The following DMD variants were observed in gnomAD, a reference collection of about 807,000 sequenced individuals.
The protein encoded by DMD is dystrophin, also known as mutant dystrophin.
DMD carries 63 observed loss-of-function variants against 330.1 expected under a neutral mutation model. The ratio of observed to expected loss-of-function variants is 0.19; its 90% confidence interval spans 0.16 to 0.24. The LOEUF (loss-of-function observed/expected upper bound fraction) is 0.24, where lower values mean the gene tolerates loss of function less well. DMD is among the 10% of genes least tolerant of loss of function. DMD has a pLI of 1.00. For missense variants in DMD, 3,344 were observed against 2,684.1 expected (o/e 1.25, Z -5.43); for synonymous variants, 1,223 against 959.8 (o/e 1.27, Z -5.07).
intron 44 of DMD, among the ~76,000 whole-genome samples, chrX:32,066,853 A>C (rs1482442790): frequency 1.8e-5 from 2 of 111,908 alleles, no homozygotes; most frequent in African/African-American, 6.5e-5. Context: ...GGATGGATAG[A>C]AATATTGTTT....
At chrX:31,290,421 A>T (rs756090603) in intron 62 of DMD, among the ~76,000 whole-genome samples, 1 of 111,307 alleles carries the variant, frequency 9.0e-6, no homozygotes, top group East Asian at 2.8e-4. Flanking sequence ...TGTCACATAA[A>T]TACAATTATG....
At chrX:31,918,813 T>A (rs770585976) in intron 47 of DMD, among the ~76,000 whole-genome samples, 3 of 110,814 alleles carry the variant, frequency 2.7e-5, no homozygotes, top group Non-Finnish European at 5.7e-5. Flanking sequence ...AATTTTTGTA[T>A]TTTTAGTAGA....
chrX:31,650,212 C>T (rs1393302860), intron 54 of DMD, among the ~76,000 whole-genome samples: 1 of 95,110 alleles, frequency 1.1e-5, no homozygotes, highest in Non-Finnish European at 2.1e-5. Flanking sequence ...ACCCCCACCT[C>T]GGCCTCCCAA....
chrX:31,842,781 T>C (rs1164475529), intron 48 of DMD, among the ~76,000 whole-genome samples: 1 of 111,826 alleles, frequency 8.9e-6, no homozygotes, highest in African/African-American at 3.3e-5. Context: ...ATATATTTAT[T>C]GGGTGATACT....
At chrX:33,049,840 C>G (rs1164197460) in intron 1 of DMD, among the ~76,000 whole-genome samples, 1 of 111,673 alleles carries the variant, frequency 9.0e-6, no homozygotes, top group African/African-American at 3.2e-5. Flanking sequence ...TTGAACTAAT[C>G]TAATCACTTC....
At chrX:32,126,673 AAC>A (rs1209512045) in intron 44 of DMD, among the ~76,000 whole-genome samples, 2 of 112,020 alleles carry the variant, frequency 1.8e-5, no homozygotes, top group African/African-American at 6.5e-5. Context: ...AATTTTCAAA[AAC>A]ACAGAGCGTT....
At chrX:31,297,916 G>T in intron 62 of DMD, among the ~76,000 whole-genome samples, 1 of 112,227 alleles carries the variant, frequency 8.9e-6, no homozygotes, top group African/African-American at 3.2e-5. Flanking sequence ...AGAATCACTG[G>T]GTTACAGCCC....
At chrX:31,289,479 G>A (rs1283749545) in intron 62 of DMD, among the ~76,000 whole-genome samples, 3 of 110,305 alleles carry the variant, frequency 2.7e-5, no homozygotes, top group Admixed American at 9.7e-5. Context: ...TGTTTTATTT[G>A]CTTAACATAA....
chrX:31,243,137 A>G (rs2048515755), intron 63 of DMD, among the ~76,000 whole-genome samples: 1 of 112,124 alleles, frequency 8.9e-6, no homozygotes, highest in Non-Finnish European at 1.9e-5. Context: ...TCAATGCCTC[A>G]CAGAAAACTG....
At chrX:32,104,886 A>T (rs1390229978) in intron 44 of DMD, among the ~76,000 whole-genome samples, 1 of 111,555 alleles carries the variant, frequency 9.0e-6, no homozygotes. Context: ...ACTTCTAGAA[A>T]TTGTTCTATA....
At chrX:31,384,715 G>C (rs1320860315) in intron 60 of DMD, among the ~76,000 whole-genome samples, 1 of 111,439 alleles carries the variant, frequency 9.0e-6, no homozygotes, top group African/African-American at 3.3e-5. Context: ...GGAAAGCTCT[G>C]CTCTCATGAC....
chrX:31,558,643 G>GTA (rs758790091), intron 55 of DMD, among the ~76,000 whole-genome samples: 32 of 107,733 alleles, frequency 3.0e-4, no homozygotes, highest in African/African-American at 5.8e-4. Flanking sequence ...AGTTATATGT[G>GTA]TATATATATA....
At position 33,191,807 on chromosome X, in the gene DMD, C is replaced by T. The variant is rs1207285332; in HGVS notation, c.31+19475G>A. On this transcript the variant is annotated intron_variant, in intron 1 of 78. Coordinates refer to ENST00000357033, the MANE Select transcript of DMD (RefSeq NM_004006.3). ...TAGAAACCCATTGTAATATGTTGCT[C>T]AGAGCCAGCCATTTCTCTTTCCACC... Among the ~76,000 whole-genome samples the T allele has an allele frequency of 1.1e-4, 12 of 111,883 alleles. 2 individuals carry two copies. Among genetic ancestry groups the T allele is most frequent in the Non-Finnish European group, 1.3e-4 (7 of 53,189 alleles).
At chrX:31,967,264 T>C (rs905953060) in intron 45 of DMD, among the ~76,000 whole-genome samples, 2 of 107,981 alleles carry the variant, frequency 1.9e-5, no homozygotes, top group Non-Finnish European at 3.9e-5. Flanking sequence ...AAATATCTTT[T>C]GATGAGGCTA....
intron 1 of DMD, among the ~76,000 whole-genome samples, chrX:33,265,728 T>C (rs1338589802): frequency 9.0e-6 from 1 of 111,381 alleles, no homozygotes; most frequent in Non-Finnish European, 1.9e-5. Flanking sequence ...CGTTCCAGGA[T>C]ATTTAATGAA....
chrX:31,384,314 C>CTACTACTAT (rs1463461899), intron 60 of DMD, among the ~76,000 whole-genome samples: 1 of 44,213 alleles, frequency 2.3e-5, no homozygotes, highest in African/African-American at 1.1e-4. Flanking sequence ...TGCTTCACTA[C>CTACTACTAT]TACTACTACT....
chrX:32,227,193 T>C (rs1226576883), intron 43 of DMD, among the ~76,000 whole-genome samples: 1 of 97,723 alleles, frequency 1.0e-5, no homozygotes, highest in East Asian at 3.3e-4. Context: ...CTTTTATTTA[T>C]ATGTGTGTGA....
chrX:32,694,771 C>A (rs1464428568), intron 9 of DMD, among the ~76,000 whole-genome samples: 1 of 111,556 alleles, frequency 9.0e-6, no homozygotes, highest in Non-Finnish European at 1.9e-5. Flanking sequence ...ATTCTCCTGC[C>A]TCAGCCTCCC....
At chrX:33,022,303 C>A (rs922958239) in intron 1 of DMD, among the ~76,000 whole-genome samples, 70 of 110,377 alleles carry the variant, frequency 6.3e-4, no homozygotes, top group African/African-American at 2.0e-3. Flanking sequence ...AATTTTTATT[C>A]TTTTCAATTA....
Sources: allele counts gnomAD v4.1 joint callset (sites outside exome capture counted in the v4.1 genomes callset), GRCh38; gene constraint gnomAD v4.1.1; transcripts MANE v1.5; gene names NCBI Gene and HGNC (gene_info 2026-07-23, HGNC 2026-07-21).